Variants in KALRN observed in about 807,000 individuals in gnomAD.
KALRN encodes the protein kalirin RhoGEF kinase.
A neutral mutation model predicts 353.7 loss-of-function variants in KALRN; 70 were observed. That is an observed-to-expected ratio of 0.20 (90% CI 0.16 to 0.24). The LOEUF is 0.24. Ranked by LOEUF, KALRN falls within the 10% of genes least tolerant of loss-of-function variation. KALRN has a pLI of 1.00. For synonymous variants in KALRN, 1,391 were observed against 1,434.8 expected, an observed-to-expected ratio of 0.97 and a Z score of 0.69; for missense variants, 2,791 against 3,756.7, an observed-to-expected ratio of 0.74 and a Z score of 6.72.
intron 13 of KALRN, among the ~76,000 whole-genome samples, chr3:124,413,197 C>A (rs1174674081): frequency 6.6e-6 from 1 of 152,132 alleles, no homozygotes; most frequent in Non-Finnish European, 1.5e-5. Context: ...AAGGAGTATG[C>A]AAAAACTTTA....
At chr3:124,674,934 C>G (rs911206976) in intron 49 of KALRN, 1 of 205,812 alleles carries the variant, frequency 4.9e-6, no homozygotes, top group Non-Finnish European at 9.6e-6. Flanking sequence ...GGTGTGCCTT[C>G]TGTTGCCACA....
chr3:124,240,780 T>A (rs997943860), intron 3 of KALRN, among the ~76,000 whole-genome samples: 2 of 152,180 alleles, frequency 1.3e-5, no homozygotes, highest in Non-Finnish European at 2.9e-5. Flanking sequence ...AGGGAGACTT[T>A]GGGCATGCTA....
chr3:124,133,316 C>T (rs1426160233), intron 1 of KALRN, among the ~76,000 whole-genome samples: 1 of 152,054 alleles, frequency 6.6e-6, no homozygotes, highest in Non-Finnish European at 1.5e-5. Flanking sequence ...AAAAACAAAA[C>T]AACAACCTTC....
At chr3:124,562,804 G>GCC in intron 33 of KALRN, 39 bp from the exon 34 acceptor site, 3 of 1,297,864 alleles carry the variant, frequency 2.3e-6, no homozygotes, top group Non-Finnish European at 3.1e-6. Context: ...CTTCCTCCAT[G>GCC]CCCTCCTGTT....
intron 3 of KALRN, among the ~76,000 whole-genome samples, chr3:124,247,643 G>C (rs1258548196): frequency 6.6e-6 from 1 of 152,118 alleles, no homozygotes; most frequent in Non-Finnish European, 1.5e-5. Context: ...TTATCTCTTG[G>C]AGCTCCCACT....
chr3:124,549,179 A>G (rs1388502506), intron 33 of KALRN, among the ~76,000 whole-genome samples: 1 of 127,998 alleles, frequency 7.8e-6, no homozygotes, highest in African/African-American at 3.4e-5. Flanking sequence ...AACCCAGATT[A>G]TAAATCACCA....
intron 34 of KALRN, among the ~76,000 whole-genome samples, chr3:124,603,887 T>C (rs1169313116): frequency 2.0e-5 from 3 of 152,194 alleles, no homozygotes; most frequent in Non-Finnish European, 4.4e-5. Context: ...TAATACATTA[T>C]ACCAGGCTAG....
intron 1 of KALRN, chr3:124,096,625 C>A (rs983785476): frequency 2.0e-5 from 3 of 152,178 alleles, no homozygotes; most frequent in African/African-American, 7.2e-5. Context: ...CAAACTTAGG[C>A]TCAAGTTCTG....
At chr3:124,618,552 T>C (rs2078914803) in intron 34 of KALRN, among the ~76,000 whole-genome samples, 1 of 152,212 alleles carries the variant, frequency 6.6e-6, no homozygotes, top group Admixed American at 6.5e-5. Context: ...TGCTTATTAC[T>C]AGGGCTGAAC....
chr3:124,586,755 G>A (rs2075233695), intron 34 of KALRN, among the ~76,000 whole-genome samples: 1 of 152,132 alleles, frequency 6.6e-6, no homozygotes, highest in Non-Finnish European at 1.5e-5. Context: ...GGGTGCCCGG[G>A]GCCTTCTCCT....
At chr3:124,369,369 A>G (rs2085503082) in intron 10 of KALRN, among the ~76,000 whole-genome samples, 3 of 152,230 alleles carry the variant, frequency 2.0e-5, no homozygotes, top group Admixed American at 1.3e-4. Context: ...AGATGTGTAA[A>G]GAGCTAATTA....
At chr3:124,472,586 T>A (rs1011122666) in intron 25 of KALRN, among the ~76,000 whole-genome samples, 3 of 151,358 alleles carry the variant, frequency 2.0e-5, no homozygotes, top group Non-Finnish European at 4.4e-5. Flanking sequence ...TGTGTGTGTG[T>A]GTGTGTGTGT....
At chr3:124,556,240 A>T (rs1279851432) in intron 33 of KALRN, among the ~76,000 whole-genome samples, 1 of 152,224 alleles carries the variant, frequency 6.6e-6, no homozygotes, top group East Asian at 1.9e-4. Flanking sequence ...AGTTGCAGTT[A>T]GTAGAAGCCA....
At chr3:124,650,747 C>T (rs2083317983) in intron 37 of KALRN, 61 bp from the exon 38 acceptor site, 4 of 1,539,078 alleles carry the variant, frequency 2.6e-6, no homozygotes. Context: ...TGGGAGGACA[C>T]AGGGATTCCA....
chr3:124,458,591 G>C (rs2059561308), intron 23 of KALRN, among the ~76,000 whole-genome samples: 1 of 152,112 alleles, frequency 6.6e-6, no homozygotes. Flanking sequence ...CTGTAGTATG[G>C]ATCAAGGGAC....
intron 1 of KALRN, among the ~76,000 whole-genome samples, chr3:124,102,156 A>T (rs2061919776): frequency 6.6e-6 from 1 of 152,168 alleles, no homozygotes; most frequent in Non-Finnish European, 1.5e-5. Flanking sequence ...TTTTATAGTC[A>T]TCTATGTATA....
At position 124,078,708 on chromosome 3, in the gene KALRN, A is replaced by G. The variant is rs182500152; in HGVS notation, c.73+44895A>G. On this transcript the variant is annotated intron_variant, in intron 1 of 59. Coordinates refer to ENST00000682506, the MANE Select transcript of KALRN (RefSeq NM_001388419.1). ...GAGTAGAACCTTGACTCAGGTACAT[A>G]GTAAAATTGCTTTAAGTCTCAGTTT... 2.6e-5 allele frequency among the ~76,000 whole-genome samples: 4 copies of G among 152,346 alleles called. No homozygotes were observed. The East Asian group carries it at 7.7e-4, about 29-fold the overall frequency.
chr3:124,094,952 T>C (rs2061342372), intron 1 of KALRN: 1 of 1,533,906 alleles, frequency 6.5e-7, no homozygotes, highest in Non-Finnish European at 9.0e-7. Context: ...GAGAGATAAA[T>C]ACACATAGAG....
At chr3:124,351,020 T>C (rs1302746562) in intron 10 of KALRN, among the ~76,000 whole-genome samples, 1 of 152,182 alleles carries the variant, frequency 6.6e-6, no homozygotes, top group Non-Finnish European at 1.5e-5. Context: ...AAACCAATGC[T>C]GACCACAGTG....
Sources: allele counts gnomAD v4.1 joint callset (sites outside exome capture counted in the v4.1 genomes callset), GRCh38; gene constraint gnomAD v4.1.1; transcripts MANE v1.5; gene names NCBI Gene and HGNC (gene_info 2026-07-23, HGNC 2026-07-21).